The following LPP variants were observed in gnomAD, a reference collection of about 807,000 sequenced individuals.
LPP encodes the protein LIM domain containing preferred translocation partner in lipoma.
In LPP, 38 loss-of-function variants were observed where a neutral mutation model predicts 60.4. That is an observed-to-expected ratio of 0.63 (90% confidence interval 0.49 to 0.83). The LOEUF is 0.83. Ranked by LOEUF, LPP falls within the 40% of genes least tolerant of loss-of-function variation. The pLI is 0.00. For synonymous variants in LPP, 328 were observed against 290.8 expected, an observed-to-expected ratio of 1.13 and a Z score of -1.30; for missense variants, 902 against 783.6, an observed-to-expected ratio of 1.15 and a Z score of -1.80.
At chr3:188,230,193 C>G (rs138817317) in intron 2 of LPP, among the ~76,000 whole-genome samples, 1 of 151,800 alleles carries the variant, frequency 6.6e-6, no homozygotes, top group Admixed American at 6.6e-5. Context: ...TCAAGAGATT[C>G]TCTTGCCTCA....
chr3:188,492,398 T>G (rs1808640545), intron 5 of LPP, among the ~76,000 whole-genome samples: 1 of 152,146 alleles, frequency 6.6e-6, no homozygotes, highest in African/African-American at 2.4e-5. Context: ...TTTCTACTTA[T>G]AAGAAAGTAA....
intron 4 of LPP, among the ~76,000 whole-genome samples, chr3:188,441,112 A>T (rs982895181): frequency 6.6e-6 from 1 of 152,062 alleles, no homozygotes; most frequent in Non-Finnish European, 1.5e-5. Flanking sequence ...TCACTTTTCA[A>T]AATGTATTTA....
intron 2 of LPP, among the ~76,000 whole-genome samples, chr3:188,231,348 C>A (rs1719892779): frequency 6.6e-6 from 1 of 152,184 alleles, no homozygotes; most frequent in South Asian, 2.1e-4. Context: ...GTTGAATAAA[C>A]CCAGCACACC....
intron 1 of LPP, among the ~76,000 whole-genome samples, chr3:188,155,482 G>A (rs1230829263): frequency 6.6e-6 from 1 of 152,164 alleles, no homozygotes; most frequent in African/African-American, 2.4e-5. Context: ...GTGAAGAAGG[G>A]GAAAGTGTGG....
rs146463496 is a variant in LPP, at chr3:188,835,362, A to G, written c.1411-30838A>G. Among the ~76,000 whole-genome samples the G allele has an allele frequency of 4.2e-3, 632 of 151,212 alleles. 6 individuals carry two copies. The highest frequency in any genetic ancestry group is 0.021 in the Middle Eastern group (6 of 292). ...CAGACGCCTGTAATCCCAGCTACTCAGGAGCTGTAGTCCTAGCATTTTGGG... is the reference window on the plus strand; with the variant it reads ...CAGACGCCTGTAATCCCAGCTACTCGGGAGCTGTAGTCCTAGCATTTTGGG... On this transcript the variant is annotated intron_variant, in intron 9 of 11. Coordinates refer to ENST00000617246, the MANE Select transcript of LPP (RefSeq NM_001375462.1).
At chr3:188,515,411 G>C (rs1817070421) in intron 5 of LPP, among the ~76,000 whole-genome samples, 1 of 152,100 alleles carries the variant, frequency 6.6e-6, no homozygotes, top group Non-Finnish European at 1.5e-5. Flanking sequence ...TTCTTATATA[G>C]CCTGCATAGT....
chr3:188,355,406 C>G (rs1438268818), intron 3 of LPP, among the ~76,000 whole-genome samples: 1 of 152,118 alleles, frequency 6.6e-6, no homozygotes, highest in Non-Finnish European at 1.5e-5. Flanking sequence ...TGGGACTTTT[C>G]AGAATCTGTT....
At chr3:188,685,050 T>C (rs1442663794) in intron 7 of LPP, among the ~76,000 whole-genome samples, 1 of 152,218 alleles carries the variant, frequency 6.6e-6, no homozygotes, top group East Asian at 1.9e-4. Context: ...AACAACCCTT[T>C]GAAATGTGGG....
intron 1 of LPP, among the ~76,000 whole-genome samples, chr3:188,187,999 T>C (rs906389571): frequency 5.3e-5 from 8 of 152,208 alleles, no homozygotes; most frequent in Admixed American, 3.9e-4. Flanking sequence ...TGAGTGGATG[T>C]ACTATTTTTA....
At position 188,488,873 on chromosome 3, in the gene LPP, G is replaced by T. The variant is rs572595118; in HGVS notation, c.306+4169G>T. On this transcript the variant is annotated intron_variant, in intron 5 of 11. Transcript: ENST00000617246. ...AGGTTGGTCTCAAACTCCTGACCTTGTGATCCACCCGCCTTGGCCTCCCAA... is the reference window on the plus strand; with the variant it reads ...AGGTTGGTCTCAAACTCCTGACCTTTTGATCCACCCGCCTTGGCCTCCCAA... 6.8e-4 allele frequency among the ~76,000 whole-genome samples: 103 copies of T among 152,238 alleles called. 2 individuals are homozygous for T. The highest frequency in any genetic ancestry group is 2.5e-3 in the African/African-American group (102 of 41,544).
chr3:188,288,527 C>T (rs946793813), intron 2 of LPP, among the ~76,000 whole-genome samples: 1 of 151,818 alleles, frequency 6.6e-6, no homozygotes, highest in Non-Finnish European at 1.5e-5. Flanking sequence ...CTCCCCTTCA[C>T]GTCGTTGTCC....
chr3:188,443,574 G>A (rs1794553300), intron 4 of LPP, among the ~76,000 whole-genome samples: 1 of 152,116 alleles, frequency 6.6e-6, no homozygotes, highest in South Asian at 2.1e-4. Flanking sequence ...TCACTTTCTG[G>A]GCTAAGGAGA....
intron 9 of LPP, among the ~76,000 whole-genome samples, chr3:188,805,140 A>T (rs1276156764): frequency 6.6e-6 from 1 of 152,012 alleles, no homozygotes; most frequent in Admixed American, 6.6e-5. Context: ...CATGAGGTAT[A>T]CTAAACTGTG....
At chr3:188,541,208 T>A (rs1489363275) in intron 6 of LPP, among the ~76,000 whole-genome samples, 1 of 152,220 alleles carries the variant, frequency 6.6e-6, no homozygotes. Context: ...AGTTTATTGT[T>A]CATCTGATTG....
At chr3:188,677,645 G>C (rs776344774) in intron 7 of LPP, among the ~76,000 whole-genome samples, 8 of 152,182 alleles carry the variant, frequency 5.3e-5, no homozygotes, top group Non-Finnish European at 1.2e-4. Flanking sequence ...GGGGAGGGAA[G>C]CGTTCCATGA....
chr3:188,503,084 T>C (rs1812383236), intron 5 of LPP, among the ~76,000 whole-genome samples: 1 of 152,076 alleles, frequency 6.6e-6, no homozygotes, highest in Non-Finnish European at 1.5e-5. Context: ...GTGTATTCAA[T>C]TGATTTTTTG....
chr3:188,194,830 T>A lies in LPP; in HGVS notation c.-189-30575T>A, dbSNP rs78991871. 1.5e-3 allele frequency among the ~76,000 whole-genome samples: 223 copies of A among 152,342 alleles called. 11 individuals are homozygous for A. In the East Asian group the frequency reaches 0.042, roughly 29 times the overall value. On this transcript the variant is annotated intron_variant, in intron 1 of 11. Transcript: ENST00000617246. ...AGTTTTACAATGAACCTGTGAGATT[T>A]GCAGAGTTAAGAGTTATATACCCGT...
chr3:188,249,524 AATAT>A (rs147420456), intron 2 of LPP, among the ~76,000 whole-genome samples: 1 of 151,728 alleles, frequency 6.6e-6, no homozygotes, highest in African/African-American at 2.4e-5. Flanking sequence ...CTCTGAAATA[AATAT>A]ATATATATGT....
At chr3:188,792,598 G>GTT (rs58093167) in intron 9 of LPP, among the ~76,000 whole-genome samples, 2 of 152,076 alleles carry the variant, frequency 1.3e-5, no homozygotes, top group Admixed American at 6.6e-5. Context: ...AAAGCCCACA[G>GTT]TTTTTTTGTT....
Sources: allele counts gnomAD v4.1 joint callset (sites outside exome capture counted in the v4.1 genomes callset), GRCh38; gene constraint gnomAD v4.1.1; transcripts MANE v1.5; gene names NCBI Gene and HGNC (gene_info 2026-07-23, HGNC 2026-07-21).